CBFA2T2: variants seen among roughly 807,000 people sequenced by gnomAD.
CBFA2T2 encodes the protein CBFA2/RUNX1 partner transcriptional co-repressor 2, also known as protein CBFA2T2.
In CBFA2T2, 11 loss-of-function variants were observed where a neutral mutation model predicts 62.2. That is an observed-to-expected ratio of 0.18 (90% CI 0.11 to 0.29). The LOEUF (loss-of-function observed/expected upper bound fraction) is 0.29, where lower values mean the gene tolerates loss of function less well. Among genes scored for constraint, CBFA2T2 ranks in the 10% least tolerant of loss-of-function variants. CBFA2T2 has a pLI of 1.00. For missense variants in CBFA2T2, 592 were observed against 774.1 expected, an observed-to-expected ratio of 0.76 and a Z score of 2.79; for synonymous variants, 295 against 287.5, an observed-to-expected ratio of 1.03 and a Z score of -0.27.
rs542051031 is a variant in CBFA2T2, at chr20:33,636,933, C to A, written c.1297+225C>A. On this transcript the variant is annotated intron_variant, in intron 9 of 10. Coordinates refer to ENST00000342704, the MANE Select transcript of CBFA2T2 (RefSeq NM_001032999.3). ...GAGTTTGGAATAGCTCCCTCCAGTC[C>A]CTTTCACACTCTTCCACTGGGTCAC... Among the ~76,000 whole-genome samples, 9 of 152,256 alleles carry A rather than the reference C, an allele frequency of 5.9e-5. No individual in the cohort carries two copies. In the South Asian group the frequency reaches 1.7e-3, roughly 28 times the overall value.
At chr20:33,591,869 G>C (rs991719237) in intron 1 of CBFA2T2, among the ~76,000 whole-genome samples, 1 of 137,498 alleles carries the variant, frequency 7.3e-6, no homozygotes, top group Non-Finnish European at 1.6e-5. Flanking sequence ...GGGAGGGGGG[G>C]GCCTCCTGTA....
intron 1 of CBFA2T2, among the ~76,000 whole-genome samples, chr20:33,537,891 G>C (rs544948544): frequency 6.6e-6 from 1 of 151,998 alleles, no homozygotes; most frequent in South Asian, 2.1e-4. Context: ...ACTATAACTT[G>C]AAGTGAGGCA....
chr20:33,511,350 A>G (rs184472584), intron 1 of CBFA2T2, among the ~76,000 whole-genome samples: 1 of 152,322 alleles, frequency 6.6e-6, no homozygotes, highest in African/African-American at 2.4e-5. Flanking sequence ...AGTTTTCTAC[A>G]TATGGCTAGC....
chr20:33,602,484 GC>G (rs1186869154), intron 1 of CBFA2T2, among the ~76,000 whole-genome samples: 2 of 149,976 alleles, frequency 1.3e-5, no homozygotes, highest in Non-Finnish European at 3.0e-5. Context: ...ATTTGTAAAT[GC>G]CCTTGATTGT....
At chr20:33,492,719 C>G (rs2011157227) in intron 1 of CBFA2T2, among the ~76,000 whole-genome samples, 1 of 151,984 alleles carries the variant, frequency 6.6e-6, no homozygotes, top group Non-Finnish European at 1.5e-5. Flanking sequence ...CTTTGTTGCC[C>G]ATGCTAGTCC....
rs1201543849 is a variant in CBFA2T2 at position 33,648,276 on chromosome 20, A to T, written c.*3630A>T. 2 of 152,270 alleles carry T rather than the reference A, an allele frequency of 1.3e-5. No individual in the cohort carries two copies. The highest frequency in any genetic ancestry group is 4.8e-5 in the African/African-American group (2 of 41,472). The allele number at this position is 152,270 out of a possible 1,614,324, so 9.4% of individuals were successfully genotyped here. On this transcript the variant is annotated 3_prime_UTR_variant, in exon 11 of 11. Transcript: ENST00000342704. ...ACATGTGACTGGCCATCAGCCAGAC[A>T]TGTCTAGGGTGAGACCAGTGCTCAG... is the stretch of plus-strand genomic sequence containing the variant.
In CBFA2T2 at chr20:33,628,458, T is replaced by C. The variant is rs1295466329; in HGVS notation, c.1032+23T>C. On this transcript the variant is annotated intron_variant, in intron 7 of 10. Transcript: ENST00000342704. ...CATGTAAGAATCTTGTAGTGTGTAA[T>C]GTCCCTAACTCTTTATTACTTTTTT... is the stretch of plus-strand genomic sequence containing the variant. 4.0e-6 allele frequency: 6 copies of C among 1,496,992 alleles called. No homozygotes were observed. In the African/African-American group the frequency reaches 4.1e-5, roughly 10 times the overall value. 92.7% of individuals were successfully genotyped at this position (1,496,992 alleles called of 1,614,324 possible). A position where few individuals can be genotyped will look rare whatever the true frequency, so the allele number is the denominator to read the frequency against.
chr20:33,542,153 A>G (rs968117204), intron 1 of CBFA2T2, among the ~76,000 whole-genome samples: 12 of 152,216 alleles, frequency 7.9e-5, no homozygotes, highest in African/African-American at 2.7e-4. Flanking sequence ...CTGGGAACCT[A>G]CATTTTAACA....
rs182632577 is a variant in CBFA2T2 at position 33,625,359 on chromosome 20, C to T, written c.946+342C>T. On this transcript the variant is annotated intron_variant, in intron 6 of 10. Transcript: ENST00000342704. ...AAAACTAGCCAGGCTTGGTGGCATGCGCCTGTGGTCCCAGCTACTAGGGAG... is the reference window on the plus strand; with the variant it reads ...AAAACTAGCCAGGCTTGGTGGCATGTGCCTGTGGTCCCAGCTACTAGGGAG... 1.8e-3 allele frequency among the ~76,000 whole-genome samples: 273 copies of T among 152,146 alleles called. 2 individuals carry two copies. The highest frequency in any genetic ancestry group is 0.016 in the Admixed American group (250 of 15,272).
intron 1 of CBFA2T2, among the ~76,000 whole-genome samples, chr20:33,497,130 G>T (rs1006599937): frequency 1.3e-5 from 2 of 151,936 alleles, no homozygotes; most frequent in East Asian, 3.9e-4. Context: ...AAAATTAGCT[G>T]GGCATGGTGG....
chr20:33,564,009 G>A (rs931045915), intron 1 of CBFA2T2, among the ~76,000 whole-genome samples: 1 of 152,242 alleles, frequency 6.6e-6, no homozygotes, highest in African/African-American at 2.4e-5. Flanking sequence ...GCTTTGTGAC[G>A]ACACTGTTGA....
chr20:33,501,333 C>T (rs2011276021), intron 1 of CBFA2T2, among the ~76,000 whole-genome samples: 1 of 152,312 alleles, frequency 6.6e-6, no homozygotes, highest in South Asian at 2.1e-4. Context: ...TAGCCATCTC[C>T]ATGCAGAGGT....
intron 1 of CBFA2T2, among the ~76,000 whole-genome samples, chr20:33,598,126 A>AGATCACAG (rs533780919): frequency 6.2e-4 from 95 of 152,348 alleles, no homozygotes; most frequent in Middle Eastern, 3.4e-3. Context: ...AGGCAGGGCA[A>AGATCACAG]GATCACAGGA....
intron 1 of CBFA2T2, among the ~76,000 whole-genome samples, chr20:33,515,577 G>A (rs1012155441): frequency 3.3e-5 from 5 of 151,628 alleles, no homozygotes; most frequent in Admixed American, 2.0e-4. Context: ...GGCTGAGGTG[G>A]GTGGGTCAGA....
chr20:33,554,757 A>C (rs1267339860), intron 1 of CBFA2T2, among the ~76,000 whole-genome samples: 2 of 151,560 alleles, frequency 1.3e-5, no homozygotes, highest in Admixed American at 6.6e-5. Flanking sequence ...GAAAGTCTAG[A>C]ATCATTTTTA....
At chr20:33,520,045 T>C (rs936942294) in intron 1 of CBFA2T2, among the ~76,000 whole-genome samples, 1 of 152,022 alleles carries the variant, frequency 6.6e-6, no homozygotes. Flanking sequence ...CTCGGGAGGC[T>C]GAGGCAGGAG....
chr20:33,588,219 G>A (rs970164300), intron 1 of CBFA2T2, among the ~76,000 whole-genome samples: 3 of 151,940 alleles, frequency 2.0e-5, no homozygotes, highest in African/African-American at 7.3e-5. Flanking sequence ...TTTGTGTATG[G>A]TATGTAGCTA....
chr20:33,612,845 G>A (rs1313572753), intron 3 of CBFA2T2, among the ~76,000 whole-genome samples: 1 of 152,216 alleles, frequency 6.6e-6, no homozygotes, highest in Non-Finnish European at 1.5e-5. Context: ...CTGTAATTTG[G>A]GAAGCCAAGG....
At chr20:33,582,536 A>G (rs980062167) in intron 1 of CBFA2T2, among the ~76,000 whole-genome samples, 3 of 151,774 alleles carry the variant, frequency 2.0e-5, no homozygotes, top group Admixed American at 6.6e-5. Context: ...GAATGACAGC[A>G]CAGGCCGGGC....
Sources: allele counts gnomAD v4.1 joint callset (sites outside exome capture counted in the v4.1 genomes callset), GRCh38; gene constraint gnomAD v4.1.1; transcripts MANE v1.5; gene names NCBI Gene and HGNC (gene_info 2026-07-23, HGNC 2026-07-21).